SYT16: variants seen among roughly 807,000 people sequenced by gnomAD.
SYT16 encodes synaptotagmin-16.
SYT16 carries 42 observed loss-of-function variants against 61.4 expected under a neutral mutation model. The ratio of observed to expected loss-of-function variants is 0.68; its 90% CI spans 0.53 to 0.89. The LOEUF is 0.89. SYT16 is among the 40% of genes least tolerant of loss of function. The pLI, the probability that SYT16 is intolerant of heterozygous loss-of-function variation, is 0.00. For synonymous variants in SYT16, 314 were observed against 302.3 expected, an observed-to-expected ratio of 1.04 and a Z score of -0.40; for missense variants, 804 against 807.3, an observed-to-expected ratio of 1.00 and a Z score of 0.05.
At position 61,826,212 on chromosome 14, in the gene SYT16, C is replaced by G. The variant is rs369142753; in HGVS notation, c.-325+13402C>G. The stretch of plus-strand genomic sequence containing the variant: ...CATCCCATCTCAGGGCACTCACACA[C>G]AGCCACACTCACTCACGCTGGGACC... On this transcript the variant is annotated intron_variant, in intron 1 of 7. Transcript: ENST00000683842. Among the ~76,000 whole-genome samples, 13 of 152,122 alleles carry G rather than the reference C, an allele frequency of 8.5e-5. No individual in the cohort carries two copies. The East Asian group carries it at 2.1e-3, about 25-fold the overall frequency.
intron 3 of SYT16, among the ~76,000 whole-genome samples, chr14:62,008,001 A>G (rs115453004): frequency 0.036 from 5,509 of 152,162 alleles, 109 homozygotes; most frequent in Admixed American, 0.043. Flanking sequence ...CAAAAGGGGA[A>G]GAAGCCAGAG....
intron 2 of SYT16, among the ~76,000 whole-genome samples, chr14:61,981,752 G>A (rs890735476): frequency 6.6e-6 from 1 of 152,092 alleles, no homozygotes; most frequent in Non-Finnish European, 1.5e-5. Context: ...AGGTTGGGAG[G>A]GAACTAGAAG....
chr14:61,989,680 A>G (rs1595093473), intron 2 of SYT16, among the ~76,000 whole-genome samples: 1 of 152,336 alleles, frequency 6.6e-6, no homozygotes, highest in South Asian at 2.1e-4. Context: ...AGATGAGAAC[A>G]TTTAGATGCA....
intron 1 of SYT16, among the ~76,000 whole-genome samples, chr14:61,827,797 C>T (rs1313356144): frequency 6.6e-6 from 1 of 152,180 alleles, no homozygotes; most frequent in Non-Finnish European, 1.5e-5. Flanking sequence ...TATTTCACCA[C>T]TTCAGTGGAA....
chr14:62,098,434 T>C (rs2057333780), intron 7 of SYT16, among the ~76,000 whole-genome samples: 1 of 152,264 alleles, frequency 6.6e-6, no homozygotes, highest in African/African-American at 2.4e-5. Flanking sequence ...ATAATTATTT[T>C]ATGATGGTTC....
At chr14:61,961,149 C>G (rs2051101738) in intron 1 of SYT16, among the ~76,000 whole-genome samples, 1 of 152,028 alleles carries the variant, frequency 6.6e-6, no homozygotes, top group African/African-American at 2.4e-5. Flanking sequence ...AATGTAAAAC[C>G]TAAAACTATA....
chr14:61,882,558 G>A (rs1490224777), intron 1 of SYT16, among the ~76,000 whole-genome samples: 2 of 152,164 alleles, frequency 1.3e-5, no homozygotes, highest in East Asian at 3.9e-4. Context: ...AATTCAAGAT[G>A]AGATTTTGGG....
intron 1 of SYT16, among the ~76,000 whole-genome samples, chr14:61,902,760 A>G (rs1243124009): frequency 6.6e-6 from 1 of 152,234 alleles, no homozygotes; most frequent in Non-Finnish European, 1.5e-5. Context: ...AGGCCTCACC[A>G]TCATGGCAGA....
chr14:62,009,590 C>T (rs979648810), intron 3 of SYT16, among the ~76,000 whole-genome samples: 2 of 152,116 alleles, frequency 1.3e-5, no homozygotes, highest in African/African-American at 4.8e-5. Flanking sequence ...CTACGGTTCT[C>T]CTATGTTGGC....
At chr14:61,817,415 T>A in intron 1 of SYT16, among the ~76,000 whole-genome samples, 1 of 134,294 alleles carries the variant, frequency 7.4e-6, no homozygotes, top group South Asian at 2.4e-4. Context: ...CAAAACTCCA[T>A]CTCCAAAAAA....
rs2057576723 is a variant in SYT16, at chr14:62,109,844, G to C, written c.*9137G>C. ...ATTTACCACTCCTGCCAAGAGAAAG[G>C]AAGCTTTGTGATTGTGCCCCGTCAT... is the stretch of plus-strand genomic sequence containing the variant. On this transcript the variant is annotated 3_prime_UTR_variant, in exon 8 of 8. Coordinates refer to ENST00000683842, the MANE Select transcript of SYT16 (RefSeq NM_001367656.1). The C allele has an allele frequency of 1.3e-5, 2 of 152,142 alleles. No homozygotes were observed. Among genetic ancestry groups the C allele is most frequent in the Admixed American group, 1.3e-4 (2 of 15,274 alleles). The allele number at this position is 152,142 out of a possible 1,614,324, so 9.4% of individuals were successfully genotyped here.
At chr14:61,833,098 CTCTG>C (rs1164363065) in intron 1 of SYT16, among the ~76,000 whole-genome samples, 1 of 152,242 alleles carries the variant, frequency 6.6e-6, no homozygotes, top group African/African-American at 2.4e-5. Context: ...TTATTTCAAT[CTCTG>C]TCTGTAAGGA....
In SYT16 at chr14:61,893,057, G is replaced by A. The variant is rs373508295; in HGVS notation, c.-324-77075G>A. 3.0e-4 allele frequency among the ~76,000 whole-genome samples: 46 copies of A among 152,210 alleles called. No individual in the cohort carries two copies. The East Asian group carries it at 7.7e-3, about 26-fold the overall frequency. ...GGAGGAAAAGAGTATAAAACAGGCC[G>A]TTATAGCGACACTCATGTGGTGTAG... On this transcript the variant is annotated intron_variant, in intron 1 of 7. Transcript: ENST00000683842.
chr14:61,965,444 C>T (rs1298242413), intron 1 of SYT16, among the ~76,000 whole-genome samples: 2 of 152,100 alleles, frequency 1.3e-5, no homozygotes, highest in African/African-American at 4.8e-5. Flanking sequence ...CCAAACTTGC[C>T]TTTCTCTAAC....
intron 1 of SYT16, among the ~76,000 whole-genome samples, chr14:61,933,877 C>G (rs1405400580): frequency 5.3e-5 from 8 of 152,100 alleles, no homozygotes; most frequent in Non-Finnish European, 1.2e-4. Context: ...TTCTATTTCC[C>G]TAGTCTCCAA....
intron 1 of SYT16, among the ~76,000 whole-genome samples, chr14:61,869,935 A>T (rs2047278175): frequency 6.6e-6 from 1 of 152,162 alleles, no homozygotes. Context: ...AAACCACCCA[A>T]TCTGCTAATT....
At chr14:62,077,200 A>G (rs1173594498) in intron 5 of SYT16, among the ~76,000 whole-genome samples, 2 of 152,242 alleles carry the variant, frequency 1.3e-5, no homozygotes, top group Non-Finnish European at 2.9e-5. Context: ...TGACATCAAC[A>G]CTATCTTACT....
intron 1 of SYT16, among the ~76,000 whole-genome samples, chr14:61,939,522 G>T (rs1367727057): frequency 6.6e-6 from 1 of 152,080 alleles, no homozygotes; most frequent in East Asian, 1.9e-4. Flanking sequence ...TCTTTGCTTG[G>T]GCTCTACATG....
chr14:62,042,173 T>A (rs539163888), intron 3 of SYT16, among the ~76,000 whole-genome samples: 64 of 152,260 alleles, frequency 4.2e-4, no homozygotes, highest in African/African-American at 1.5e-3. Flanking sequence ...TTTTTTCTTT[T>A]GCTTTTTTTT....
Sources: gnomAD v4.1 joint callset for allele counts (sites outside exome capture counted in the v4.1 genomes callset) on GRCh38, gnomAD v4.1.1 for gene constraint, MANE v1.5 for transcripts, NCBI Gene and HGNC (gene_info 2026-07-23, HGNC 2026-07-21) for gene names.